The following GSDME variants were observed in gnomAD, a reference collection of about 807,000 sequenced individuals.
GSDME encodes the protein gasdermin-E.
A neutral mutation model predicts 47.5 loss-of-function variants in GSDME; 44 were observed. The observed-to-expected ratio is 0.93, with a 90% CI of 0.73 to 1.19. The LOEUF (loss-of-function observed/expected upper bound fraction) is 1.19. GSDME is among the 50% of genes most tolerant of loss of function. The probability of loss-of-function intolerance (pLI) is 0.00; values close to 1 mark genes in which losing one functional copy is unlikely to be tolerated. For missense variants in GSDME, 663 were observed against 604.2 expected (o/e 1.10, Z -1.02); for synonymous variants, 258 against 252.8 (o/e 1.02, Z -0.20).
chr7:24,766,872 T>A, the GSDME span, among the ~76,000 whole-genome samples: 39 of 152,232 alleles, frequency 2.6e-4, no homozygotes, highest in Non-Finnish European at 5.4e-4. This position sits in a 1 kb window ranked among gnomAD's most constrained non-coding sequence, Gnocchi z 4.2. Flanking sequence ...CCTTGAGGAA[T>A]TGCCACACTG....
At chr7:24,741,130 T>C (rs1790476750) in intron 3 of GSDME, among the ~76,000 whole-genome samples, 1 of 152,118 alleles carries the variant, frequency 6.6e-6, no homozygotes, top group Admixed American at 6.6e-5. Context: ...GCTTACCAAG[T>C]CGACCTAAGT....
At chr7:24,781,947 T>C in the GSDME span, among the ~76,000 whole-genome samples, 13 of 152,162 alleles carry the variant, frequency 8.5e-5, no homozygotes, top group African/African-American at 3.1e-4. Flanking sequence ...TGTCTTGCTA[T>C]GTTGCCCAGG....
the GSDME span, among the ~76,000 whole-genome samples, chr7:24,763,058 T>G: frequency 1.3e-5 from 2 of 152,106 alleles, no homozygotes; most frequent in African/African-American, 4.8e-5. The surrounding 1 kb of genome is among the most constrained non-coding windows in gnomAD (Gnocchi z 4.3). Flanking sequence ...ATGCCTGAAA[T>G]GGAGGATGGC....
the GSDME span, among the ~76,000 whole-genome samples, chr7:24,777,703 C>T: frequency 6.6e-6 from 1 of 152,012 alleles, no homozygotes. Flanking sequence ...TCCTAATGTC[C>T]TGTAGTTGCA....
In GSDME at chr7:24,713,468, G is replaced by A. The variant is rs777592887; in HGVS notation, c.698-3080C>T. 1.5e-4 allele frequency among the ~76,000 whole-genome samples: 23 copies of A among 152,294 alleles called. No individual in the cohort carries two copies. The South Asian group carries it at 1.7e-3, about 11-fold the overall frequency. ...CTTAGGACTGCATGTCCTGAACCCC[G>A]TCACAGGGAAGGAGAACCAGAAAAG... On this transcript the variant is annotated intron_variant, in intron 5 of 9. Transcript: ENST00000645220.
intron 8 of GSDME, chr7:24,703,069 G>A (rs945132727): frequency 4.7e-6 from 2 of 427,502 alleles, no homozygotes; most frequent in Admixed American, 3.3e-5. Flanking sequence ...GATACTCCTT[G>A]ACATTCAATT....
rs1789679038 is a variant in GSDME at position 24,719,109 on chromosome 7, C to T, written c.514G>A (p.Glu172Lys). ...CACTTCTCCTCGACCTGCATGTGCT[C>T]AGAGATCACACACTTCTGCATCGTC... is the stretch of plus-strand genomic sequence containing the variant. ...ITTMQKCVIS[E>K]HMQVEEKCGG... The change falls in exon 4 of 10, where the codon GAG (glutamate) becomes AAG (lysine). Residue 172 changes from glutamate to lysine, a missense_variant. Transcript: ENST00000645220. 1.9e-6 allele frequency: 3 copies of T among 1,613,842 alleles called. No homozygotes were observed. In the East Asian group the frequency reaches 6.7e-5, roughly 36 times the overall value.
In GSDME at chr7:24,708,180, TGTC is replaced by T; in HGVS notation, c.934_936del (p.Asp312del). The T allele has an allele frequency of 6.2e-7, 1 of 1,614,184 alleles. No individual in the cohort carries two copies. Among genetic ancestry groups the T allele is most frequent in the Non-Finnish European group, 8.5e-7 (1 of 1,180,018 alleles). ...TCATCAAATAGGACCGCCTGGAAGA[TGTC>T]ACTCAAAGCTGTCTGTTGTGGCTCA... is the stretch of plus-strand genomic sequence containing the variant. On this transcript the variant is annotated inframe_deletion, in exon 7 of 10. Transcript: ENST00000645220.
the GSDME span, among the ~76,000 whole-genome samples, chr7:24,778,086 G>GGAGAGA: frequency 6.7e-6 from 1 of 149,430 alleles, no homozygotes; most frequent in Non-Finnish European, 1.5e-5. This position sits in a 1 kb window ranked among gnomAD's most constrained non-coding sequence, Gnocchi z 5.6. Context: ...GGTGGGGGAG[G>GGAGAGA]GAGAGAGAGA....
At chr7:24,789,130 G>T in the GSDME span, among the ~76,000 whole-genome samples, 2 of 152,166 alleles carry the variant, frequency 1.3e-5, no homozygotes, top group African/African-American at 4.8e-5. Context: ...GGAAGCAAAT[G>T]GAACTTTAGG....
intron 8 of GSDME, chr7:24,704,858 ATTTAT>A (rs1312596076): frequency 6.6e-6 from 1 of 151,966 alleles, no homozygotes; most frequent in African/African-American, 2.4e-5. Flanking sequence ...TGCCTGGCTA[ATTTAT>A]TTTTTGTACA....
chr7:24,702,943 G>A, intron 8 of GSDME, 110 bp from the exon 9 acceptor site: 1 of 858,822 alleles, frequency 1.2e-6, no homozygotes, highest in Non-Finnish European at 1.9e-6. Flanking sequence ...CGCCAGCCAG[G>A]CAGGGGAGGT....
At chr7:24,780,185 C>T in the GSDME span, among the ~76,000 whole-genome samples, 1 of 152,190 alleles carries the variant, frequency 6.6e-6, no homozygotes, top group East Asian at 1.9e-4. This position sits in a 1 kb window ranked among gnomAD's most constrained non-coding sequence, Gnocchi z 4.1. Context: ...ATGCAAAGTT[C>T]CCGCCTTGTG....
At position 24,726,938 on chromosome 7, in the gene GSDME, A is replaced by G. The variant is rs1006927098; in HGVS notation, c.405-7720T>C. Among the ~76,000 whole-genome samples, 1 of 152,088 alleles carries G rather than the reference A, an allele frequency of 6.6e-6. No individual in the cohort carries two copies. The highest frequency in any genetic ancestry group is 1.5e-5 in the Non-Finnish European group (1 of 68,030). ...AGCTTTTGTTGAGTCTGCTGTGGAG[A>G]AATTATAAAACTAGAAGGGACCCAA... On this transcript the variant is annotated intron_variant, in intron 3 of 9. Transcript: ENST00000645220. This position sits in a 1 kb window ranked among gnomAD's most constrained non-coding sequence, Gnocchi z 5.6.
At chr7:24,783,162 T>G in the GSDME span, among the ~76,000 whole-genome samples, 1 of 152,216 alleles carries the variant, frequency 6.6e-6, no homozygotes, top group Non-Finnish European at 1.5e-5. Flanking sequence ...CTTAATATTT[T>G]TTATGGAAAC....
At chr7:24,762,945 C>T in the GSDME span, among the ~76,000 whole-genome samples, 2,530 of 152,232 alleles carry the variant, frequency 0.017, 86 homozygotes, top group African/African-American at 0.058. Context: ...AGCATGGACA[C>T]CTCGGGCAGA....
rs1175367240 is a variant in GSDME, at chr7:24,745,192, A to G, written c.212-438T>C. 1.3e-5 allele frequency among the ~76,000 whole-genome samples: 2 copies of G among 152,196 alleles called. No individual in the cohort carries two copies. The highest frequency in any genetic ancestry group is 1.9e-4 in the East Asian group (1 of 5,192). On this transcript the variant is annotated intron_variant, in intron 2 of 9. Transcript: ENST00000645220. The surrounding 1 kb of genome is among the most constrained non-coding windows in gnomAD (Gnocchi z 4.4). ...CACTATCCAGGTGGATCAATAGACC[A>G]TTTTAAATGTGTACTTTTCCAGGGT...
the GSDME span, among the ~76,000 whole-genome samples, chr7:24,783,434 C>G: frequency 6.6e-6 from 1 of 152,174 alleles, no homozygotes; most frequent in East Asian, 1.9e-4. Flanking sequence ...CACAACTACC[C>G]TCGGGGGTTT....
At chr7:24,751,571 C>G (rs1290480154) in intron 1 of GSDME, among the ~76,000 whole-genome samples, 1 of 152,130 alleles carries the variant, frequency 6.6e-6, no homozygotes, top group Non-Finnish European at 1.5e-5. Flanking sequence ...TGACCCTGTT[C>G]TTGTATATTA....
Sources: gnomAD v4.1 joint callset for allele counts (sites outside exome capture counted in the v4.1 genomes callset) on GRCh38, gnomAD v4.1.1 for gene constraint, Gnocchi (gnomAD v3.1) non-coding constraint, MANE v1.5 for transcripts, NCBI Gene and HGNC (gene_info 2026-07-23, HGNC 2026-07-21) for gene names.